The following MSH3 variants were observed in gnomAD, a reference collection of about 807,000 sequenced individuals.
The protein encoded by MSH3 is DNA mismatch repair protein Msh3.
A neutral mutation model predicts 123.3 loss-of-function variants in MSH3; 106 were observed. The observed-to-expected ratio is 0.86, with a 90% confidence interval of 0.73 to 1.01. MSH3 has a LOEUF of 1.01. Among genes scored for constraint, MSH3 ranks in the 50% least tolerant of loss-of-function variants. MSH3 has a pLI of 0.00. For synonymous variants in MSH3, 515 were observed against 481.4 expected, an observed-to-expected ratio of 1.07 and a Z score of -0.91; for missense variants, 1,459 against 1,347.6, an observed-to-expected ratio of 1.08 and a Z score of -1.29.
At chr5:80,870,970 C>T (rs1308578165) in intron 22 of MSH3, among the ~76,000 whole-genome samples, 4 of 152,176 alleles carry the variant, frequency 2.6e-5, no homozygotes, top group Admixed American at 1.3e-4. Flanking sequence ...ATAAAAGTTA[C>T]ATAATATCCT....
chr5:80,800,548 T>C (rs1171285252), intron 19 of MSH3, among the ~76,000 whole-genome samples: 2 of 152,232 alleles, frequency 1.3e-5, no homozygotes, highest in African/African-American at 4.8e-5. Flanking sequence ...GCACATTAGA[T>C]GAGTGAAATT....
rs975755175 is a variant in MSH3, at chr5:80,671,037, C to T, written c.792+728C>T. Among the ~76,000 whole-genome samples, 8 of 151,676 alleles carry T rather than the reference C, an allele frequency of 5.3e-5. No homozygotes were observed. The East Asian group carries it at 1.4e-3, about 26-fold the overall frequency. ...CCTCAGGAGGCTGAGGCAGGAGAGT[C>T]GCTTGAACCCGGGAGATGGAGGTTG... On this transcript the variant is annotated intron_variant, in intron 4 of 23. Transcript: ENST00000265081.
At chr5:80,733,589 T>C (rs245335) in intron 10 of MSH3, among the ~76,000 whole-genome samples, 52,349 of 148,500 alleles carry the variant, frequency 0.35, 9,056 homozygotes, top group Non-Finnish European at 0.37. Flanking sequence ...AAGGGACTTG[T>C]ATCTAGAATA....
At chr5:80,766,302 T>G (rs946963095) in intron 13 of MSH3, among the ~76,000 whole-genome samples, 3 of 151,600 alleles carry the variant, frequency 2.0e-5, no homozygotes, top group Admixed American at 6.6e-5. Context: ...TTCTAACATA[T>G]TATTGCTGTT....
intron 18 of MSH3, among the ~76,000 whole-genome samples, chr5:80,790,099 G>A (rs899889107): frequency 3.3e-5 from 5 of 152,154 alleles, no homozygotes; most frequent in African/African-American, 1.2e-4. Flanking sequence ...CATACTCTGT[G>A]ACTTAGGAAT....
rs1386560543 is a variant in MSH3 at position 80,876,557 on chromosome 5, A to AG, written c.*697dup. The AG allele has an allele frequency of 6.6e-6, 1 of 152,474 alleles. No homozygotes were observed. The highest frequency in any genetic ancestry group is 2.4e-5 in the African/African-American group (1 of 41,364). The allele number at this position is 152,474 out of a possible 1,614,324, so 9.4% of individuals were successfully genotyped here. A position where few individuals can be genotyped will look rare whatever the true frequency, so the allele number is the denominator to read the frequency against. On this transcript the variant is annotated 3_prime_UTR_variant, in exon 24 of 24. Transcript: ENST00000265081. ...GGCAGGAGAATCTCTTGAACCTGGG[A>AG]GGCGGAGGTTGCAATGAGCCGAGAT...
chr5:80,745,718 C>T (rs1743703750), intron 12 of MSH3, among the ~76,000 whole-genome samples: 1 of 152,218 alleles, frequency 6.6e-6, no homozygotes, highest in African/African-American at 2.4e-5. Context: ...CATGGTGGAA[C>T]ACCTCATCAC....
Position 80,743,545 on chromosome 5 carries a change from A to G in MSH3, c.1654-961A>G, listed in dbSNP as rs1050473257. ...TACTTACAGAGGAGAAGGAAAAAAG[A>G]AAGGATTAAAAAAACCCGGCCGGGC... On this transcript the variant is annotated intron_variant, in intron 11 of 23. Coordinates refer to ENST00000265081, the MANE Select transcript of MSH3 (RefSeq NM_002439.5). 1.3e-5 allele frequency among the ~76,000 whole-genome samples: 2 copies of G among 150,776 alleles called. 1 individual carries two copies. The highest frequency in any genetic ancestry group is 2.9e-5 in the Non-Finnish European group (2 of 67,846).
chr5:80,656,462 G>T lies in MSH3; in HGVS notation c.289G>T (p.Val97Phe). The T allele has an allele frequency of 1.2e-6, 2 of 1,614,188 alleles. No individual in the cohort carries two copies. The highest frequency in any genetic ancestry group is 8.5e-7 in the Non-Finnish European group (1 of 1,180,018). ...KKRPLENDGP[V>F]KKKVKKVQQK... ...GAGACCATTGGAAAATGATGGGCCTGTTAAAAAGAAAGTAAAGAAAGTCCA... is the reference window on the plus strand; with the variant it reads ...GAGACCATTGGAAAATGATGGGCCTTTTAAAAAGAAAGTAAAGAAAGTCCA... The change falls in exon 2 of 24, where the codon GTT becomes TTT. Residue 97 changes from valine to phenylalanine, a missense_variant. Val to Phe is a conservative substitution (Grantham distance 50, BLOSUM62 -1). Coordinates refer to ENST00000265081, the MANE Select transcript of MSH3 (RefSeq NM_002439.5).
intron 10 of MSH3, among the ~76,000 whole-genome samples, chr5:80,732,541 C>A (rs1191106823): frequency 2.0e-5 from 3 of 152,088 alleles, no homozygotes; most frequent in Non-Finnish European, 2.9e-5. Context: ...CCCTAAAAAA[C>A]ACATTATTTG....
At chr5:80,842,262 A>G (rs529034125) in intron 20 of MSH3, among the ~76,000 whole-genome samples, 15 of 152,228 alleles carry the variant, frequency 9.9e-5, no homozygotes, top group Non-Finnish European at 2.1e-4. Flanking sequence ...CCATTGGTCT[A>G]TATATCTGTT....
At chr5:80,789,760 A>C (rs990043667) in intron 18 of MSH3, among the ~76,000 whole-genome samples, 2 of 152,196 alleles carry the variant, frequency 1.3e-5, no homozygotes, top group Non-Finnish European at 2.9e-5. Flanking sequence ...AGTAGTATTT[A>C]TTGGTGTTAT....
intron 10 of MSH3, among the ~76,000 whole-genome samples, chr5:80,731,680 G>A (rs1743415846): frequency 6.6e-6 from 1 of 152,160 alleles, no homozygotes; most frequent in African/African-American, 2.4e-5. Flanking sequence ...AAAACGAAAT[G>A]TGGTGTTCAT....
intron 20 of MSH3, among the ~76,000 whole-genome samples, chr5:80,828,739 A>C (rs1745366216): frequency 6.6e-6 from 1 of 152,198 alleles, no homozygotes; most frequent in Non-Finnish European, 1.5e-5. Context: ...ACAGGTCCCA[A>C]ATAAGTCCAA....
intron 8 of MSH3, among the ~76,000 whole-genome samples, chr5:80,692,227 T>G (rs1276880765): frequency 1.2e-3 from 101 of 84,868 alleles, no homozygotes; most frequent in East Asian, 2.2e-3. Context: ...TATGTTTAGA[T>G]AGATAAACAT....
At chr5:80,759,596 C>G (rs1431632900) in intron 12 of MSH3, among the ~76,000 whole-genome samples, 3 of 152,118 alleles carry the variant, frequency 2.0e-5, no homozygotes, top group African/African-American at 7.2e-5. Context: ...ATTAAAGATT[C>G]TGGATTTGAA....
At chr5:80,722,352 C>T (rs1379752698) in intron 8 of MSH3, among the ~76,000 whole-genome samples, 3 of 152,148 alleles carry the variant, frequency 2.0e-5, no homozygotes, top group Non-Finnish European at 2.9e-5. Context: ...TATCTTAACT[C>T]AGTTGTTTAT....
intron 12 of MSH3, among the ~76,000 whole-genome samples, chr5:80,747,617 G>T (rs1325891470): frequency 1.3e-5 from 2 of 152,160 alleles, no homozygotes; most frequent in African/African-American, 4.8e-5. Context: ...AATACCTGGA[G>T]AGAATCTGCT....
intron 4 of MSH3, among the ~76,000 whole-genome samples, chr5:80,671,579 C>T (rs937938946): frequency 6.6e-6 from 1 of 152,070 alleles, no homozygotes; most frequent in Non-Finnish European, 1.5e-5. Context: ...GACCTGACCA[C>T]GGTAAAGGCT....
Sources: allele counts gnomAD v4.1 joint callset (sites outside exome capture counted in the v4.1 genomes callset), GRCh38; gene constraint gnomAD v4.1.1; transcripts MANE v1.5; gene names NCBI Gene and HGNC (gene_info 2026-07-23, HGNC 2026-07-21).